NDUFA9: variants seen among roughly 807,000 people sequenced by gnomAD.
NDUFA9 encodes NADH:ubiquinone oxidoreductase subunit A9.
Under a neutral mutation model 45.9 loss-of-function variants are expected in NDUFA9, and 23 were observed. That is an observed-to-expected ratio of 0.50 (90% CI 0.36 to 0.71). The LOEUF (loss-of-function observed/expected upper bound fraction) is 0.71. Among genes scored for constraint, NDUFA9 ranks in the 30% least tolerant of loss-of-function variants. The pLI, the probability that NDUFA9 is intolerant of heterozygous loss-of-function variation, is 0.00. For synonymous variants in NDUFA9, 176 were observed against 170.5 expected, an observed-to-expected ratio of 1.03 and a Z score of -0.25; for missense variants, 466 against 488.2, an observed-to-expected ratio of 0.95 and a Z score of 0.43.
Position 4,662,515 on chromosome 12 carries a change from T to A in NDUFA9, c.553-18T>A. 2.5e-6 allele frequency: 4 copies of A among 1,596,634 alleles called. No homozygotes were observed. Among genetic ancestry groups the A allele is most frequent in the Non-Finnish European group, 3.4e-6 (4 of 1,164,280 alleles). On this transcript the variant is annotated intron_variant, in intron 5 of 10. Coordinates refer to ENST00000266544, the MANE Select transcript of NDUFA9 (RefSeq NM_005002.5). Reference sequence around the variant, plus strand: ...CTTGTCTCTAAACTCAAAACAGGTTTGTTTGGTTATTGTTTAGGCTGTTGG... The same window carrying A: ...CTTGTCTCTAAACTCAAAACAGGTTAGTTTGGTTATTGTTTAGGCTGTTGG...
chr12:4,668,859 G>A (rs1945869445), intron 7 of NDUFA9: 3 of 307,586 alleles, frequency 9.8e-6, no homozygotes, highest in East Asian at 7.2e-5. Flanking sequence ...ATTGTACAAC[G>A]TGATGAGTGC....
intron 9 of NDUFA9, among the ~76,000 whole-genome samples, chr12:4,684,203 C>CTTTTCT: frequency 6.6e-6 from 1 of 152,310 alleles, no homozygotes; most frequent in South Asian, 2.1e-4. Context: ...GTTGAGGAAT[C>CTTTTCT]TGAGGCTTTA....
At chr12:4,658,902 A>T in intron 4 of NDUFA9, 134 bp from the exon 5 acceptor site, 1 of 967,360 alleles carries the variant, frequency 1.0e-6, no homozygotes, top group Non-Finnish European at 1.5e-6. Flanking sequence ...ATTTAGCTTT[A>T]AGTTAAATCA....
At chr12:4,656,066 C>G (rs531533433) in intron 3 of NDUFA9, 1 of 152,322 alleles carries the variant, frequency 6.6e-6, no homozygotes, top group East Asian at 1.9e-4. Flanking sequence ...TTAAAAAATA[C>G]TTGCTAAACT....
At position 4,682,232 on chromosome 12, in the gene NDUFA9, G is replaced by A; in HGVS notation, c.828G>A (p.Leu276=). The A allele has an allele frequency of 1.2e-6, 2 of 1,612,480 alleles. No individual in the cohort carries two copies. Among genetic ancestry groups the A allele is most frequent in the Non-Finnish European group, 8.5e-7 (1 of 1,179,036 alleles). The change falls in exon 9 of 11, where the codon CTG becomes CTA. Residue 276 remains leucine, a synonymous_variant. Coordinates refer to ENST00000266544, the MANE Select transcript of NDUFA9 (RefSeq NM_005002.5). ...VGPSRYLLFH[L]VKYIFAVAHR... is the part of the protein sequence containing the mutation. ...CCAGTCGGTACCTCCTTTTCCACCT[G>A]GTGAAGTACATCTTTGCTGTGGCTC...
In NDUFA9 at chr12:4,690,178, T is replaced by G. The variant is rs1388421718; in HGVS notation, c.*3070T>G. On this transcript the variant is annotated 3_prime_UTR_variant, in exon 11 of 11. Transcript: ENST00000266544. ...CCTTTCTAGGGATTCAGGTTGCACA[T>G]TACCTGATTCTCACAGTTGATTTGA... 1.3e-5 allele frequency: 2 copies of G among 152,242 alleles called. No individual in the cohort carries two copies. Among genetic ancestry groups the G allele is most frequent in the East Asian group, 3.8e-4 (2 of 5,200 alleles). 9.4% of individuals were successfully genotyped at this position (152,242 alleles called of 1,614,324 possible).
chr12:4,659,944 G>C (rs993805967), intron 5 of NDUFA9, among the ~76,000 whole-genome samples: 2 of 152,130 alleles, frequency 1.3e-5, no homozygotes, highest in Non-Finnish European at 2.9e-5. Flanking sequence ...CTGTGGCTAC[G>C]GTAGTAAATA....
At chr12:4,682,156 CTT>C in intron 8 of NDUFA9, 47 bp from the exon 9 acceptor site, 1 of 1,372,362 alleles carries the variant, frequency 7.3e-7, no homozygotes. Flanking sequence ...ATAAAGGAAA[CTT>C]TGTGAGAAGC....
chr12:4,663,861 C>T (rs906857936), intron 6 of NDUFA9, among the ~76,000 whole-genome samples: 3 of 151,884 alleles, frequency 2.0e-5, no homozygotes, highest in Non-Finnish European at 2.9e-5. Flanking sequence ...GAAATATGGA[C>T]GTTAAGGGTG....
chr12:4,661,035 A>G (rs1375967157), intron 5 of NDUFA9, among the ~76,000 whole-genome samples: 1 of 151,980 alleles, frequency 6.6e-6, no homozygotes, highest in Non-Finnish European at 1.5e-5. Flanking sequence ...TACATTGTTT[A>G]CATGCTGGTA....
At chr12:4,667,225 G>A (rs148763026) in intron 6 of NDUFA9, among the ~76,000 whole-genome samples, 53 of 152,214 alleles carry the variant, frequency 3.5e-4, no homozygotes, top group African/African-American at 1.1e-3. Context: ...CTTTATGAGG[G>A]CCTTAATCCT....
In NDUFA9 at chr12:4,691,245, TA is replaced by T. The variant is rs1270929484; in HGVS notation, c.*4139del. 6.6e-6 allele frequency: 1 copy of T among 152,190 alleles called. No homozygotes were observed. Among genetic ancestry groups the T allele is most frequent in the African/African-American group, 2.4e-5 (1 of 41,434 alleles). 9.4% of individuals were successfully genotyped at this position (152,190 alleles called of 1,614,324 possible). On this transcript the variant is annotated 3_prime_UTR_variant, in exon 11 of 11. Coordinates refer to ENST00000266544, the MANE Select transcript of NDUFA9 (RefSeq NM_005002.5). ...CATGTAAAATGCTGAGCCCTGCACA[TA>T]ATAAGAACTAAGTAAATGTGAGCCA...
intron 6 of NDUFA9, among the ~76,000 whole-genome samples, chr12:4,662,895 C>T (rs916430984): frequency 6.6e-6 from 1 of 152,186 alleles, no homozygotes; most frequent in African/African-American, 2.4e-5. Flanking sequence ...CCAGCTAACT[C>T]TGTGACCTTG....
chr12:4,657,683 T>C, intron 3 of NDUFA9, 65 bp from the exon 4 acceptor site: 2 of 1,168,598 alleles, frequency 1.7e-6, no homozygotes, highest in Non-Finnish European at 2.6e-6. Flanking sequence ...TTGAGGAGGC[T>C]GCAGAAGTGT....
chr12:4,670,597 G>A (rs1349060728), intron 8 of NDUFA9, among the ~76,000 whole-genome samples: 1 of 152,146 alleles, frequency 6.6e-6, no homozygotes, highest in Non-Finnish European at 1.5e-5. Context: ...AAGAGGCATA[G>A]AATATACTCC....
chr12:4,682,838 G>T (rs1442469306), intron 9 of NDUFA9, among the ~76,000 whole-genome samples: 1 of 152,218 alleles, frequency 6.6e-6, no homozygotes, highest in Admixed American at 6.5e-5. Flanking sequence ...AGGCCAAGGA[G>T]GGCAGATTGC....
rs1235348835 is a variant in NDUFA9 at position 4,693,287 on chromosome 12, T to A, written c.*6179T>A. 2 of 152,102 alleles carry A rather than the reference T, an allele frequency of 1.3e-5. No homozygotes were observed. Among genetic ancestry groups the A allele is most frequent in the Non-Finnish European group, 2.9e-5 (2 of 68,038 alleles). 9.4% of individuals were successfully genotyped at this position (152,102 alleles called of 1,614,324 possible). The stretch of plus-strand genomic sequence containing the variant: ...TCCATCGGACCCCAAATTGTTCTGG[T>A]CTTGTTCAGGTAATAATTTTAATTC... On this transcript the variant is annotated 3_prime_UTR_variant, in exon 11 of 11. Coordinates refer to ENST00000266544, the MANE Select transcript of NDUFA9 (RefSeq NM_005002.5).
Position 4,687,152 on chromosome 12 carries a change from C to G in NDUFA9, c.*44C>G, listed in dbSNP as rs748922605. The G allele has an allele frequency of 5.0e-6, 8 of 1,597,352 alleles. No homozygotes were observed. The African/African-American group carries it at 9.4e-5, about 19-fold the overall frequency. The stretch of plus-strand genomic sequence containing the variant: ...TGGTTTTGGCGTCTTTTGGGTCGGC[C>G]CATGTGGTTTGAGCACCCAGCCAGG... On this transcript the variant is annotated 3_prime_UTR_variant, in exon 11 of 11. Coordinates refer to ENST00000266544, the MANE Select transcript of NDUFA9 (RefSeq NM_005002.5).
chr12:4,686,573 C>G (rs1945988022), intron 10 of NDUFA9, among the ~76,000 whole-genome samples: 1 of 151,988 alleles, frequency 6.6e-6, no homozygotes, highest in Non-Finnish European at 1.5e-5. Flanking sequence ...TGATTTTATT[C>G]CTAAACCCTC....
Sources: gnomAD v4.1 joint callset for allele counts (sites outside exome capture counted in the v4.1 genomes callset) on GRCh38, gnomAD v4.1.1 for gene constraint, MANE v1.5 for transcripts, NCBI Gene and HGNC (gene_info 2026-07-23, HGNC 2026-07-21) for gene names.